SBNO1: variants seen among roughly 807,000 people sequenced by gnomAD.
The protein encoded by SBNO1 is strawberry notch homolog 1, also known as protein strawberry notch homolog 1.
Under a neutral mutation model 173.6 loss-of-function variants are expected in SBNO1, and 23 were observed. The ratio of observed to expected loss-of-function variants is 0.13; its 90% CI spans 0.10 to 0.19. SBNO1 has a LOEUF of 0.19. SBNO1 is among the 10% of genes least tolerant of loss of function. The probability of loss-of-function intolerance (pLI) is 1.00; values close to 1 mark genes in which losing one functional copy is unlikely to be tolerated. For missense variants in SBNO1, 1,238 were observed against 1,671.2 expected (o/e 0.74, Z 4.52); for synonymous variants, 632 against 571.5 (o/e 1.11, Z -1.51).
intron 9 of SBNO1, among the ~76,000 whole-genome samples, chr12:123,329,159 C>T (rs570112055): frequency 6.6e-6 from 1 of 152,238 alleles, no homozygotes; most frequent in South Asian, 2.1e-4. Flanking sequence ...GTGGGTGGAT[C>T]GCTTGAGCTC....
chr12:123,302,930 A>G (rs757405770), intron 29 of SBNO1, 30 bp from the exon 30 acceptor site: 1 of 1,527,858 alleles, frequency 6.5e-7, no homozygotes, highest in Non-Finnish European at 9.1e-7. Flanking sequence ...TTCATTGAAA[A>G]CAGTATTGCT....
At position 123,292,367 on chromosome 12, in the gene SBNO1, C is replaced by T. The variant is rs938626281; in HGVS notation, c.*3541G>A. 1 of 152,134 alleles carries T rather than the reference C, an allele frequency of 6.6e-6. No homozygotes were observed. The highest frequency in any genetic ancestry group is 2.4e-5 in the African/African-American group (1 of 41,424). The allele number at this position is 152,134 out of a possible 1,614,324, so 9.4% of individuals were successfully genotyped here. A position where few individuals can be genotyped will look rare whatever the true frequency, so the allele number is the denominator to read the frequency against. ...AAAAGGATCCAGAGGGAACTTCTGC[C>T]CCTACTTCCATGAAGTGAGATGCAA... On this transcript the variant is annotated 3_prime_UTR_variant, in exon 32 of 32. Coordinates refer to ENST00000602398, the MANE Select transcript of SBNO1 (RefSeq NM_001167856.3).
rs1269487477 is a variant in SBNO1, at chr12:123,364,359, AGCGGAGCCG to A, written c.-1+333_-1+341del. ...AGGCGGAAGCCAAAGGGGCGAACCC[AGCGGAGCCG>A]GCGTGCACAGACCCTGCCCCGCGGT... On this transcript the variant is annotated intron_variant, in intron 1 of 31. Transcript: ENST00000602398. The A allele has an allele frequency of 9.1e-6, 9 of 985,030 alleles. No individual in the cohort carries two copies. The African/African-American group carries it at 1.1e-4, about 12-fold the overall frequency. 61.0% of individuals were successfully genotyped at this position (985,030 alleles called of 1,614,324 possible).
intron 17 of SBNO1, among the ~76,000 whole-genome samples, chr12:123,321,111 G>A (rs968367376): frequency 6.6e-6 from 1 of 152,086 alleles, no homozygotes. Flanking sequence ...GGCTAATTTT[G>A]TATTTTTAGT....
intron 1 of SBNO1, among the ~76,000 whole-genome samples, chr12:123,361,251 TA>T (rs1166850294): frequency 6.7e-6 from 1 of 148,178 alleles, no homozygotes; most frequent in Non-Finnish European, 1.5e-5. Context: ...CTCAAAAAAA[TA>T]AAAAATAGAA....
intron 28 of SBNO1, among the ~76,000 whole-genome samples, chr12:123,305,524 G>A: frequency 6.6e-6 from 1 of 152,054 alleles, no homozygotes; most frequent in Non-Finnish European, 1.5e-5. Flanking sequence ...CCAGCCTGGA[G>A]CACAAGGGCG....
Position 123,326,113 on chromosome 12 carries a change from T to C in SBNO1, c.1875+39A>G, listed in dbSNP as rs773038533. On this transcript the variant is annotated intron_variant, in intron 14 of 31. Transcript: ENST00000602398. ...CAGCACCCACAAAGACTAAACAACA[T>C]AACCCCCAAACAATCTCTTAATGAG... 10 of 1,273,146 alleles carry C rather than the reference T, an allele frequency of 7.9e-6. No individual in the cohort carries two copies. The African/African-American group carries it at 2.5e-4, about 32-fold the overall frequency. The allele number at this position is 1,273,146 out of a possible 1,614,324, so 78.9% of individuals were successfully genotyped here. A position where few individuals can be genotyped will look rare whatever the true frequency, so the allele number is the denominator to read the frequency against.
chr12:123,334,145 C>T lies in SBNO1; in HGVS notation c.817G>A (p.Asp273Asn), dbSNP rs1566042751. 1 of 1,606,822 alleles carries T rather than the reference C, an allele frequency of 6.2e-7. No individual in the cohort carries two copies. Among genetic ancestry groups the T allele is most frequent in the Non-Finnish European group, 8.5e-7 (1 of 1,177,090 alleles). ...TSSLSSVTPP[D>N]VWYKTSISEE... ...GAAATGGATGTTTTGTACCAAACAT[C>T]AGGAGGAGTAACACTGGATAAAGAG... is the stretch of plus-strand genomic sequence containing the variant. Residue 273 changes from aspartate (D) to asparagine (N), a missense_variant, in exon 7 of 32, where the codon GAT becomes AAT. Physicochemically the swap from Asp to Asn is conservative, Grantham distance 23. Around this residue, in one of 14 missense-constraint regions of SBNO1, gnomAD observed 78 missense variants for 103.3 expected, o/e 0.76. Transcript: ENST00000602398.
At chr12:123,313,787 TA>T in intron 23 of SBNO1, 68 bp from the exon 24 acceptor site, 1 of 886,946 alleles carries the variant, frequency 1.1e-6, no homozygotes, top group Non-Finnish European at 1.8e-6. Context: ...CATGACCACC[TA>T]AATACTATAA....
chr12:123,351,247 A>C (rs1873840987), intron 1 of SBNO1, among the ~76,000 whole-genome samples: 1 of 152,172 alleles, frequency 6.6e-6, no homozygotes, highest in African/African-American at 2.4e-5. Context: ...ACAGCCCTGT[A>C]CACCATGCTG....
At chr12:123,335,952 C>G (rs1357535940) in intron 6 of SBNO1, among the ~76,000 whole-genome samples, 1 of 151,820 alleles carries the variant, frequency 6.6e-6, no homozygotes, top group Non-Finnish European at 1.5e-5. Context: ...TTATAGAAAC[C>G]AAGACTACAT....
intron 2 of SBNO1, 23 bp downstream of exon 2, chr12:123,350,285 AAG>A: frequency 1.2e-6 from 2 of 1,611,716 alleles, no homozygotes; most frequent in Non-Finnish European, 1.7e-6. Context: ...ATCACTAAGA[AAG>A]AGAGGCTTTG....
Position 123,348,243 on chromosome 12 carries a change from G to A in SBNO1, c.133-110C>T, listed in dbSNP as rs116301028. 1,013 of 569,968 alleles carry A rather than the reference G, an allele frequency of 1.8e-3. 4 individuals are homozygous for A. Among genetic ancestry groups the A allele is most frequent in the African/African-American group, 0.016 (856 of 53,090 alleles). The allele number at this position is 569,968 out of a possible 1,614,324, so 35.3% of individuals were successfully genotyped here. A position where few individuals can be genotyped will look rare whatever the true frequency, so the allele number is the denominator to read the frequency against. On this transcript the variant is annotated intron_variant, in intron 2 of 31. Transcript: ENST00000602398. Reference sequence around the variant, plus strand: ...TATCAAGTTTAACATTCAAACTGACGTTAAATCACTAACAGCAGATTTATA... The same window carrying A: ...TATCAAGTTTAACATTCAAACTGACATTAAATCACTAACAGCAGATTTATA...
rs766116613 is a variant in SBNO1 at position 123,321,601 on chromosome 12, T to A, written c.2257A>T (p.Met753Leu). The A allele has an allele frequency of 1.9e-6, 3 of 1,614,084 alleles. No homozygotes were observed. In the South Asian group the frequency reaches 3.3e-5, roughly 18 times the overall value. ...EESDYESSKN[M>L]SSGDDDDFNP... ...AAATCGTCATCATCTCCAGAACTCA[T>A]GTTTTTAGAGCTCTCATAGTCACTT... The change falls in exon 17 of 32, where the codon ATG (methionine) becomes TTG (leucine). Residue 753 changes from methionine to leucine, a missense_variant. Around this residue, in one of 14 missense-constraint regions of SBNO1, gnomAD observed 81 missense variants for 82.6 expected, o/e 0.98. Coordinates refer to ENST00000602398, the MANE Select transcript of SBNO1 (RefSeq NM_001167856.3).
Position 123,292,938 on chromosome 12 carries a change from G to A in SBNO1, c.*2970C>T, listed in dbSNP as rs1449596494. 4 of 152,168 alleles carry A rather than the reference G, an allele frequency of 2.6e-5. No homozygotes were observed. Among genetic ancestry groups the A allele is most frequent in the Non-Finnish European group, 5.9e-5 (4 of 68,042 alleles). The allele number at this position is 152,168 out of a possible 1,614,324, so 9.4% of individuals were successfully genotyped here. A position where few individuals can be genotyped will look rare whatever the true frequency, so the allele number is the denominator to read the frequency against. On this transcript the variant is annotated 3_prime_UTR_variant, in exon 32 of 32. Coordinates refer to ENST00000602398, the MANE Select transcript of SBNO1 (RefSeq NM_001167856.3). ...GATAATCCCAGTAACTACAGACAGA[G>A]ACCTTGTGGTATGGAGGTTGCTAAA...
chr12:123,313,269 C>G (rs1868840444), intron 24 of SBNO1, among the ~76,000 whole-genome samples: 1 of 146,734 alleles, frequency 6.8e-6, no homozygotes, highest in South Asian at 2.2e-4. Flanking sequence ...TTAAAAAAGA[C>G]TCGGTCTTAA....
intron 3 of SBNO1, 99 bp from the exon 4 acceptor site, chr12:123,345,669 A>T: frequency 9.8e-7 from 1 of 1,016,008 alleles, no homozygotes; most frequent in Non-Finnish European, 1.4e-6. Context: ...TCTAAAATGC[A>T]CTTTTATTAT....
Position 123,350,437 on chromosome 12 carries a change from A to T in SBNO1, c.5T>A (p.Val2Glu). M[V>E]EPGQDLLLAA... ...AAGCAGTAAATCTTGCCCTGGCTCCACCATCTTTAAAGGGAAATATTAAAT... is the reference window on the plus strand; with the variant it reads ...AAGCAGTAAATCTTGCCCTGGCTCCTCCATCTTTAAAGGGAAATATTAAAT... Residue 2 changes from valine to glutamate, a missense_variant, in exon 2 of 32, where the codon GTG becomes GAG. By Grantham distance (121) the Val-to-Glu change is moderately radical. This residue lies in a region of SBNO1 where 287 missense variants were observed against 274.1 expected (regional missense o/e 1.05). Coordinates refer to ENST00000602398, the MANE Select transcript of SBNO1 (RefSeq NM_001167856.3). The T allele has an allele frequency of 6.2e-7, 1 of 1,613,030 alleles. No homozygotes were observed. The highest frequency in any genetic ancestry group is 8.5e-7 in the Non-Finnish European group (1 of 1,179,020).
At chr12:123,363,754 A>G in intron 1 of SBNO1, 3 of 636,216 alleles carry the variant, frequency 4.7e-6, no homozygotes, top group Non-Finnish European at 5.9e-6. Flanking sequence ...CAGTAAACCG[A>G]GCACGCACAT....
Sources: gnomAD v4.1 joint callset for allele counts (sites outside exome capture counted in the v4.1 genomes callset) on GRCh38, gnomAD v4.1.1 for gene constraint, gnomAD v4.1.1 regional missense constraint, MANE v1.5 for transcripts, NCBI Gene and HGNC (gene_info 2026-07-23, HGNC 2026-07-21) for gene names.